EXOC6B: variants seen among roughly 807,000 people sequenced by gnomAD.
EXOC6B encodes SEC15 homolog B.
A neutral mutation model predicts 113.5 loss-of-function variants in EXOC6B; 54 were observed. The ratio of observed to expected loss-of-function variants is 0.48; its 90% confidence interval spans 0.38 to 0.60. The LOEUF is 0.60. EXOC6B is among the 20% of genes least tolerant of loss of function. The pLI is 0.00. For synonymous variants in EXOC6B, 357 were observed against 339.0 expected, an observed-to-expected ratio of 1.05 and a Z score of -0.58; for missense variants, 797 against 977.5, an observed-to-expected ratio of 0.82 and a Z score of 2.46.
chr2:72,542,458 G>C (rs954237929), intron 8 of EXOC6B, among the ~76,000 whole-genome samples: 2 of 152,124 alleles, frequency 1.3e-5, no homozygotes, highest in African/African-American at 2.4e-5. Flanking sequence ...TTGTTGGTTT[G>C]AGTTATAAGA....
chr2:72,619,750 C>T (rs2104170931), intron 6 of EXOC6B, among the ~76,000 whole-genome samples: 1 of 152,310 alleles, frequency 6.6e-6, no homozygotes, highest in East Asian at 1.9e-4. Flanking sequence ...AACTGAGGGA[C>T]AGCTCACTCT....
intron 6 of EXOC6B, among the ~76,000 whole-genome samples, chr2:72,681,020 C>G (rs940336568): frequency 1.3e-5 from 2 of 152,186 alleles, no homozygotes; most frequent in South Asian, 2.1e-4. Flanking sequence ...AATCTTCACA[C>G]ACACACCCGC....
intron 1 of EXOC6B, among the ~76,000 whole-genome samples, chr2:72,754,212 G>T (rs1020490795): frequency 1.3e-5 from 2 of 151,982 alleles, no homozygotes; most frequent in Non-Finnish European, 2.9e-5. Flanking sequence ...TTACCAACAA[G>T]GTAGAACACA....
intron 8 of EXOC6B, among the ~76,000 whole-genome samples, chr2:72,539,569 T>G (rs1251453063): frequency 6.6e-6 from 1 of 152,192 alleles, no homozygotes; most frequent in East Asian, 1.9e-4. Context: ...GCATTCAGAT[T>G]AGGCCAAGGA....
In EXOC6B at chr2:72,697,650, C is replaced by T. The variant is rs571572928; in HGVS notation, c.669+20453G>A. Among the ~76,000 whole-genome samples, 7 of 152,220 alleles carry T rather than the reference C, an allele frequency of 4.6e-5. No homozygotes were observed. In the South Asian group the frequency reaches 1.5e-3, roughly 32 times the overall value. On this transcript the variant is annotated intron_variant, in intron 6 of 21. Transcript: ENST00000272427. ...AGTAAGCCAAGATTGTACCACTGCA[C>T]TCTAGCCTGGGCAACAGAGCCAGAC... is the stretch of plus-strand genomic sequence containing the variant.
At chr2:72,320,419 C>T (rs1444902016) in intron 20 of EXOC6B, among the ~76,000 whole-genome samples, 1 of 151,860 alleles carries the variant, frequency 6.6e-6, no homozygotes, top group African/African-American at 2.4e-5. Context: ...AGAAGGAGAC[C>T]AACACATATG....
chr2:72,462,257 A>G (rs1243407486), intron 18 of EXOC6B: 1 of 152,104 alleles, frequency 6.6e-6, no homozygotes, highest in Non-Finnish European at 1.5e-5. Context: ...TATATTTTCT[A>G]TGTGGGCATT....
At chr2:72,708,182 T>C (rs773390294) in intron 6 of EXOC6B, among the ~76,000 whole-genome samples, 1 of 151,972 alleles carries the variant, frequency 6.6e-6, no homozygotes, top group Non-Finnish European at 1.5e-5. Flanking sequence ...ATAATATACA[T>C]GATAGAAACT....
intron 8 of EXOC6B, among the ~76,000 whole-genome samples, chr2:72,535,763 G>A (rs1299086578): frequency 2.0e-5 from 3 of 151,870 alleles, no homozygotes; most frequent in African/African-American, 4.8e-5. Context: ...CTAGCTACTA[G>A]GGAGGCTGAG....
chr2:72,800,615 A>T (rs1313399112), intron 1 of EXOC6B, among the ~76,000 whole-genome samples: 1 of 152,184 alleles, frequency 6.6e-6, no homozygotes, highest in Non-Finnish European at 1.5e-5. Context: ...AGCTCCCCTT[A>T]TTAGCTCCAT....
chr2:72,420,836 A>T (rs571480952), intron 18 of EXOC6B, among the ~76,000 whole-genome samples: 1 of 152,300 alleles, frequency 6.6e-6, no homozygotes, highest in South Asian at 2.1e-4. Context: ...TGGTTGAACT[A>T]ATTTACACTC....
intron 1 of EXOC6B, among the ~76,000 whole-genome samples, chr2:72,796,453 C>CAAA (rs61374385): frequency 1.9e-5 from 1 of 54,008 alleles, no homozygotes; most frequent in Admixed American, 2.1e-4. Flanking sequence ...ACTCCATCTC[C>CAAA]AAAAAAAAAA....
At chr2:72,457,012 G>GA (rs112489084) in intron 18 of EXOC6B, among the ~76,000 whole-genome samples, 170 of 140,708 alleles carry the variant, frequency 1.2e-3, no homozygotes, top group African/African-American at 3.1e-3. Context: ...GCATGGGGGG[G>GA]AAAAAAAAAA....
chr2:72,756,056 C>A (rs1364950570), intron 1 of EXOC6B, among the ~76,000 whole-genome samples: 1 of 152,016 alleles, frequency 6.6e-6, no homozygotes, highest in Non-Finnish European at 1.5e-5. Flanking sequence ...ATTTTGTTGG[C>A]AAAATCTTTT....
At chr2:72,400,070 G>A (rs1455628187) in intron 18 of EXOC6B, among the ~76,000 whole-genome samples, 5 of 151,972 alleles carry the variant, frequency 3.3e-5, no homozygotes, top group Non-Finnish European at 7.4e-5. Context: ...GCATGGTACT[G>A]GTATAAAAAT....
chr2:72,739,365 G>A (rs1181331046), intron 2 of EXOC6B, among the ~76,000 whole-genome samples: 3 of 151,848 alleles, frequency 2.0e-5, no homozygotes, highest in East Asian at 1.9e-4. Flanking sequence ...TAAACTGTAC[G>A]TTATTGTGTA....
chr2:72,577,498 T>C (rs1446418892), intron 6 of EXOC6B, among the ~76,000 whole-genome samples: 2 of 152,014 alleles, frequency 1.3e-5, no homozygotes, highest in Non-Finnish European at 2.9e-5. Flanking sequence ...CCAAACGATT[T>C]CATAAGTCGT....
Position 72,398,919 on chromosome 2 carries a change from C to T in EXOC6B, c.1981-19049G>A, listed in dbSNP as rs886643555. 4.1e-5 allele frequency among the ~76,000 whole-genome samples: 6 copies of T among 146,790 alleles called. No homozygotes were observed. The East Asian group carries it at 1.2e-3, about 29-fold the overall frequency. On this transcript the variant is annotated intron_variant, in intron 18 of 21. Coordinates refer to ENST00000272427, the MANE Select transcript of EXOC6B (RefSeq NM_015189.3). ...TAAACTGTTTTCAATGTAAGAAAAACATAAAACAATAAAAAGAAAATAGTA... is the reference window on the plus strand; with the variant it reads ...TAAACTGTTTTCAATGTAAGAAAAATATAAAACAATAAAAAGAAAATAGTA...
At chr2:72,192,500 T>A (rs1233148140) in intron 20 of EXOC6B, among the ~76,000 whole-genome samples, 1 of 152,144 alleles carries the variant, frequency 6.6e-6, no homozygotes, top group Non-Finnish European at 1.5e-5. Context: ...AAGACACCTA[T>A]GACTAGTGAC....
Sources: gnomAD v4.1 joint callset for allele counts (sites outside exome capture counted in the v4.1 genomes callset) on GRCh38, gnomAD v4.1.1 for gene constraint, MANE v1.5 for transcripts, NCBI Gene and HGNC (gene_info 2026-07-23, HGNC 2026-07-21) for gene names.